The following CNTN5 variants were observed in gnomAD, a reference collection of about 807,000 sequenced individuals.
CNTN5 encodes the protein contactin-5.
Under a neutral mutation model 129.1 loss-of-function variants are expected in CNTN5, and 77 were observed. That is an observed-to-expected ratio of 0.60 (90% CI 0.50 to 0.72). CNTN5 has a LOEUF of 0.72. Among genes scored for constraint, CNTN5 ranks in the 30% least tolerant of loss-of-function variants. The pLI is 0.00. For synonymous variants in CNTN5, 509 were observed against 465.6 expected (o/e 1.09, Z -1.20); for missense variants, 1,478 against 1,328.8 (o/e 1.11, Z -1.75).
intron 8 of CNTN5, among the ~76,000 whole-genome samples, chr11:100,000,934 A>G (rs1939828047): frequency 6.6e-6 from 1 of 152,076 alleles, no homozygotes; most frequent in South Asian, 2.1e-4. Flanking sequence ...CTAGAACACG[A>G]GACACCATGT....
At chr11:99,706,701 C>T (rs181219535) in intron 3 of CNTN5, among the ~76,000 whole-genome samples, 17 of 151,542 alleles carry the variant, frequency 1.1e-4, no homozygotes, top group East Asian at 3.9e-4. Context: ...AACATTCTTA[C>T]GAGTGAATTC....
At chr11:100,040,400 AGGCTACTCGGGG>A (rs1942303138) in intron 9 of CNTN5, among the ~76,000 whole-genome samples, 1 of 152,298 alleles carries the variant, frequency 6.6e-6, no homozygotes, top group Admixed American at 6.5e-5. Context: ...CCTCCCAGTT[AGGCTACTCGGGG>A]GTCATGGACC....
At chr11:100,031,362 C>T (rs759787108) in intron 9 of CNTN5, among the ~76,000 whole-genome samples, 3 of 152,104 alleles carry the variant, frequency 2.0e-5, no homozygotes, top group Admixed American at 6.5e-5. Context: ...TATGAGTGGA[C>T]GTGCAGTCAG....
At chr11:99,513,819 G>A (rs925196765) in intron 2 of CNTN5, among the ~76,000 whole-genome samples, 2 of 152,118 alleles carry the variant, frequency 1.3e-5, no homozygotes, top group African/African-American at 2.4e-5. Context: ...TGTACAAGGA[G>A]AGTAATGTTA....
intron 3 of CNTN5, among the ~76,000 whole-genome samples, chr11:99,730,710 A>G (rs952836640): frequency 6.6e-6 from 1 of 152,232 alleles, no homozygotes; most frequent in Non-Finnish European, 1.5e-5. Context: ...TATTTACGGA[A>G]ACGTGATGAT....
intron 8 of CNTN5, among the ~76,000 whole-genome samples, chr11:99,981,666 C>A (rs552717182): frequency 6.6e-6 from 1 of 152,134 alleles, no homozygotes. Flanking sequence ...TCTGAAAGTT[C>A]TTATGAGGAA....
intron 3 of CNTN5, among the ~76,000 whole-genome samples, chr11:99,742,243 A>G (rs1943909708): frequency 6.6e-6 from 1 of 152,170 alleles, no homozygotes; most frequent in East Asian, 1.9e-4. Flanking sequence ...AAGTTCACTG[A>G]TTCTGTGTTC....
chr11:99,579,608 C>G (rs1354796832), intron 3 of CNTN5, among the ~76,000 whole-genome samples: 1 of 142,818 alleles, frequency 7.0e-6, no homozygotes, highest in Non-Finnish European at 1.5e-5. Flanking sequence ...AATGGGAGTT[C>G]ACTCATGATT....
intron 1 of CNTN5, among the ~76,000 whole-genome samples, chr11:99,142,331 A>G (rs1427926192): frequency 6.7e-6 from 1 of 149,948 alleles, no homozygotes; most frequent in Non-Finnish European, 1.5e-5. Flanking sequence ...GTGTGTGCTT[A>G]TGTGCCAGTA....
chr11:99,324,055 A>T (rs1399002941), intron 1 of CNTN5, among the ~76,000 whole-genome samples: 1 of 152,192 alleles, frequency 6.6e-6, no homozygotes, highest in East Asian at 1.9e-4. Context: ...AGATTAAAGG[A>T]AATCTTAGGT....
intron 2 of CNTN5, among the ~76,000 whole-genome samples, chr11:99,519,352 C>T (rs547327190): frequency 1.3e-5 from 2 of 152,092 alleles, no homozygotes; most frequent in East Asian, 3.9e-4. Flanking sequence ...TGCTGCTATC[C>T]TTACAGTTTG....
chr11:100,265,870 G>A (rs1316868007), intron 17 of CNTN5, among the ~76,000 whole-genome samples: 1 of 152,066 alleles, frequency 6.6e-6, no homozygotes, highest in Non-Finnish European at 1.5e-5. Flanking sequence ...TTAGAAACCT[G>A]ACTTTCTTTT....
intron 9 of CNTN5, among the ~76,000 whole-genome samples, chr11:100,027,950 G>A (rs1004772306): frequency 1.3e-5 from 2 of 152,130 alleles, no homozygotes; most frequent in Non-Finnish European, 2.9e-5. Context: ...AGTAAAAAGT[G>A]AATGAAAGAT....
chr11:100,265,401 C>G (rs1950282418), intron 17 of CNTN5, among the ~76,000 whole-genome samples: 1 of 152,134 alleles, frequency 6.6e-6, no homozygotes, highest in Non-Finnish European at 1.5e-5. Flanking sequence ...TGCTCATTCT[C>G]ACAATTTCTT....
At chr11:99,271,685 A>C (rs1214558597) in intron 1 of CNTN5, among the ~76,000 whole-genome samples, 2 of 151,836 alleles carry the variant, frequency 1.3e-5, no homozygotes, top group East Asian at 3.9e-4. Flanking sequence ...CTAGAGCTGC[A>C]GAATTCACTT....
At position 100,255,883 on chromosome 11, in the gene CNTN5, G is replaced by A. The variant is rs763348368; in HGVS notation, c.2129G>A (p.Ser710Asn). 1 of 1,613,766 alleles carries A rather than the reference G, an allele frequency of 6.2e-7. No individual in the cohort carries two copies. The highest frequency in any genetic ancestry group is 1.7e-5 in the Admixed American group (1 of 60,004). Residue 710 changes from serine to asparagine, a missense_variant, in exon 17 of 25, where the codon AGC becomes AAC. Physicochemically the swap from Ser to Asn is conservative, Grantham distance 46. Transcript: ENST00000524871. ...PISSYNLQAR[S>N]PFSLGWQTVK... ...TCCTCCTACAACCTTCAAGCTCGCA[G>A]CCCATTTTCCCTGGGCTGGCAAACA... is the stretch of plus-strand genomic sequence containing the variant.
intron 6 of CNTN5, among the ~76,000 whole-genome samples, chr11:99,914,641 T>C (rs1418470343): frequency 4.6e-5 from 7 of 152,112 alleles, no homozygotes; most frequent in African/African-American, 1.7e-4. Flanking sequence ...AATTGCTCTT[T>C]TTCTTTTGTC....
chr11:99,678,275 A>G (rs1397298396), intron 3 of CNTN5, among the ~76,000 whole-genome samples: 1 of 152,150 alleles, frequency 6.6e-6, no homozygotes, highest in Non-Finnish European at 1.5e-5. Context: ...AAAAGAAAAG[A>G]GAAGTTAAAA....
chr11:99,024,796 TAAAA>T (rs57209615), intron 1 of CNTN5, among the ~76,000 whole-genome samples: 23,614 of 151,578 alleles, frequency 0.16, 1,920 homozygotes, highest in East Asian at 0.33. Context: ...TTTATGGAAA[TAAAA>T]AAAAGAATCT....
Sources: allele counts gnomAD v4.1 joint callset (sites outside exome capture counted in the v4.1 genomes callset), GRCh38; gene constraint gnomAD v4.1.1; transcripts MANE v1.5; gene names NCBI Gene and HGNC (gene_info 2026-07-23, HGNC 2026-07-21).